Variants in CEP152 observed in about 807,000 individuals in gnomAD.
CEP152 encodes the protein centrosomal protein 152.
Under a neutral mutation model 188.9 loss-of-function variants are expected in CEP152, and 132 were observed. The ratio of observed to expected loss-of-function variants is 0.70; its 90% CI spans 0.61 to 0.81. The LOEUF (loss-of-function observed/expected upper bound fraction) is 0.81. Among genes scored for constraint, CEP152 ranks in the 30% least tolerant of loss-of-function variants. The pLI is 0.00. For missense variants in CEP152, 1,914 were observed against 1,969.8 expected (o/e 0.97, Z 0.54); for synonymous variants, 649 against 666.6 (o/e 0.97, Z 0.41).
intron 26 of CEP152, among the ~76,000 whole-genome samples, chr15:48,740,124 T>C (rs1892846551): frequency 6.6e-6 from 1 of 152,242 alleles, no homozygotes; most frequent in Non-Finnish European, 1.5e-5. Context: ...GTCTTTTTCA[T>C]GTATTTCTAT....
At chr15:48,744,661 A>C (rs555182894) in intron 23 of CEP152, among the ~76,000 whole-genome samples, 42 of 152,306 alleles carry the variant, frequency 2.8e-4, no homozygotes, top group Non-Finnish European at 5.4e-4. Flanking sequence ...AATACCTTAT[A>C]CTATAGCCTC....
chr15:48,774,644 C>T (rs927980626), intron 12 of CEP152, among the ~76,000 whole-genome samples: 1 of 152,164 alleles, frequency 6.6e-6, no homozygotes, highest in South Asian at 2.1e-4. Flanking sequence ...ATGACTAAAC[C>T]CGAAGGGATG....
intron 1 of CEP152, among the ~76,000 whole-genome samples, chr15:48,807,703 A>G (rs1426425713): frequency 6.6e-6 from 1 of 152,178 alleles, no homozygotes; most frequent in Non-Finnish European, 1.5e-5. Flanking sequence ...AAGACGAAAT[A>G]TGGAATTTGG....
intron 12 of CEP152, among the ~76,000 whole-genome samples, chr15:48,773,745 T>C (rs1323617415): frequency 1.3e-5 from 2 of 152,240 alleles, no homozygotes; most frequent in Non-Finnish European, 2.9e-5. Flanking sequence ...AAACCTGATG[T>C]AGTAAAGCCT....
intron 8 of CEP152, chr15:48,789,273 T>C (rs986644674): frequency 1.2e-5 from 6 of 486,906 alleles, no homozygotes; most frequent in African/African-American, 9.7e-5. Flanking sequence ...CGCAGCATGA[T>C]GGATGTGGCT....
intron 18 of CEP152, 64 bp downstream of exon 18, chr15:48,762,327 G>T (rs2140714312): frequency 1.4e-6 from 2 of 1,400,462 alleles, no homozygotes; most frequent in East Asian, 2.3e-5. Context: ...TGATAGCATT[G>T]TATGGGTTTT....
chr15:48,732,887 G>C (rs565473407), intron 2 of CEP152, among the ~76,000 whole-genome samples: 2 of 151,656 alleles, frequency 1.3e-5, no homozygotes. Flanking sequence ...CCAGGAGTTC[G>C]AGATCAGCCT....
In CEP152 at chr15:48,762,657, T is replaced by C. The variant is rs764776608; in HGVS notation, c.2296A>G (p.Ile766Val). Residue 766 changes from isoleucine to valine, a missense_variant, in exon 18 of 27, where the codon ATT (isoleucine) becomes GTT (valine). Transcript: ENST00000380950. ...QTQEKIKEKL[I>V]QQLEKEWQSK... is the part of the protein sequence containing the mutation. ...TGCCACTCCTTTTCAAGCTGTTGAA[T>C]GAGTTTTTCTTTGATCTGTTTTCAG... 1.3e-5 allele frequency: 21 copies of C among 1,613,736 alleles called. 1 individual carries two copies. In the South Asian group the frequency reaches 2.3e-4, roughly 18 times the overall value.
At chr15:48,735,386 A>T (rs969782144), downstream of CEP152, among the ~76,000 whole-genome samples, 23 of 152,362 alleles carry the variant, frequency 1.5e-4, no homozygotes, top group Admixed American at 1.3e-4. Context: ...AGAGCTTTAT[A>T]CATCTATATC....
At chr15:48,765,686 C>T (rs1895023906) in intron 17 of CEP152, 2 of 330,238 alleles carry the variant, frequency 6.1e-6, no homozygotes, top group East Asian at 1.0e-4. Flanking sequence ...CGGAGTTTCG[C>T]TCTGTCGCCC....
In CEP152 at chr15:48,799,474, G is replaced by C. The variant is rs759107863; in HGVS notation, c.88-1423C>G. On this transcript the variant is annotated intron_variant, in intron 2 of 26. Transcript: ENST00000380950. The stretch of plus-strand genomic sequence containing the variant: ...ATTTATTTCTCATATTCACTGGATG[G>C]GTTTTTTTTAAAGGGTTTCTCAATC... 2.0e-5 allele frequency among the ~76,000 whole-genome samples: 3 copies of C among 151,934 alleles called. 1 individual carries two copies. In the South Asian group the frequency reaches 6.2e-4, roughly 32 times the overall value.
rs1419678535 is a variant in CEP152, at chr15:48,756,086, T to G, written c.3162A>C (p.Leu1054Phe). 1 of 1,614,010 alleles carries G rather than the reference T, an allele frequency of 6.2e-7. No individual in the cohort carries two copies. Among genetic ancestry groups the G allele is most frequent in the African/African-American group, 1.3e-5 (1 of 74,940 alleles). The change falls in exon 20 of 27, where the codon TTA (leucine) becomes TTC (phenylalanine). Residue 1054 changes from leucine to phenylalanine, a missense_variant. Coordinates refer to ENST00000380950, the MANE Select transcript of CEP152 (RefSeq NM_001194998.2). ...EDILTVLGVL[L>F]SDTQKEHISD... ...TGATGTGCTCCTTTTGGGTATCACTTAAAAGAACCCCAAGTACAGTCAGGA... is the reference window on the plus strand; with the variant it reads ...TGATGTGCTCCTTTTGGGTATCACTGAAAAGAACCCCAAGTACAGTCAGGA...
At chr15:48,752,212 T>C (rs1893922650) in intron 21 of CEP152, 137 bp downstream of exon 21, 2 of 1,447,814 alleles carry the variant, frequency 1.4e-6, no homozygotes, top group African/African-American at 2.8e-5. Context: ...CAAAATGAAA[T>C]CTAGGAAGAG....
At chr15:48,730,944 T>C (rs1302181537) in intron 2 of CEP152, among the ~76,000 whole-genome samples, 3 of 152,206 alleles carry the variant, frequency 2.0e-5, no homozygotes, top group Non-Finnish European at 4.4e-5. Flanking sequence ...AACAAATTTA[T>C]AGCGTATGTA....
chr15:48,769,166 G>T, intron 13 of CEP152, 85 bp from the exon 14 acceptor site: 1 of 1,130,894 alleles, frequency 8.8e-7, no homozygotes, highest in Non-Finnish European at 1.3e-6. Context: ...TAAAAAAATT[G>T]CAAACAGTAC....
intron 18 of CEP152, among the ~76,000 whole-genome samples, chr15:48,761,116 A>G (rs1566991725): frequency 1.3e-5 from 2 of 152,184 alleles, no homozygotes; most frequent in Admixed American, 6.5e-5. Context: ...TTTAAGATTA[A>G]TAATTTCATA....
At chr15:48,730,118 T>G (rs1892373150) in intron 2 of CEP152, among the ~76,000 whole-genome samples, 1 of 152,020 alleles carries the variant, frequency 6.6e-6, no homozygotes, top group Non-Finnish European at 1.5e-5. Context: ...GGAAGATCAG[T>G]GAGACTCTGA....
chr15:48,729,421 C>A (rs1197127350), intron 2 of CEP152: 2 of 152,058 alleles, frequency 1.3e-5, no homozygotes, highest in African/African-American at 4.8e-5. Context: ...CCTGTAGTCC[C>A]AGCTATTCAA....
intron 19 of CEP152, among the ~76,000 whole-genome samples, chr15:48,759,932 T>C (rs867590907): frequency 2.0e-5 from 3 of 152,260 alleles, no homozygotes; most frequent in Admixed American, 6.5e-5. Flanking sequence ...TTCTAAGTTA[T>C]CCTCATAGGA....
Sources: allele counts gnomAD v4.1 joint callset (sites outside exome capture counted in the v4.1 genomes callset), GRCh38; gene constraint gnomAD v4.1.1; transcripts MANE v1.5; gene names NCBI Gene and HGNC (gene_info 2026-07-23, HGNC 2026-07-21).